SLC22A3: variants seen among roughly 807,000 people sequenced by gnomAD.
The protein encoded by SLC22A3 is solute carrier family 22 member 3, also known as EMT organic cation transporter 3.
Under a neutral mutation model 59.1 loss-of-function variants are expected in SLC22A3, and 51 were observed. That is an observed-to-expected ratio of 0.86 (90% CI 0.69 to 1.09). The LOEUF is 1.09. SLC22A3 is among the 50% of genes least tolerant of loss of function. SLC22A3 has a pLI of 0.00. For missense variants in SLC22A3, 711 were observed against 726.3 expected (o/e 0.98, Z 0.24); for synonymous variants, 325 against 292.0 (o/e 1.11, Z -1.15).
intron 2 of SLC22A3, among the ~76,000 whole-genome samples, chr6:160,398,495 A>AT (rs796614765): frequency 6.6e-5 from 10 of 151,788 alleles, no homozygotes; most frequent in East Asian, 3.9e-4. Context: ...GTTTCACCTA[A>AT]TTTTTTTTTA....
chr6:160,396,135 A>C (rs767692564), intron 1 of SLC22A3, among the ~76,000 whole-genome samples: 5 of 152,208 alleles, frequency 3.3e-5, no homozygotes, highest in Non-Finnish European at 7.3e-5. Context: ...GTTCCTACCC[A>C]AAATTGTACT....
At position 160,348,809 on chromosome 6, in the gene SLC22A3, C is replaced by T. The variant is rs766187090; in HGVS notation, c.390C>T (p.Gly130=). 6.3e-7 allele frequency: 1 copy of T among 1,580,430 alleles called. No individual in the cohort carries two copies. The highest frequency in any genetic ancestry group is 8.5e-7 in the Non-Finnish European group (1 of 1,171,666). ...CTCCCCTTGTGCCGTGCCGCGGCGG[C>T]TGGCGCTACGCCCAGGCCCACTCCA... The part of the protein sequence containing the change: ...RSAPLVPCRG[G]WRYAQAHSTI... The change falls in exon 1 of 11, where the codon GGC becomes GGT. Residue 130 remains glycine (G), a synonymous_variant. Transcript: ENST00000275300.
intron 5 of SLC22A3, among the ~76,000 whole-genome samples, chr6:160,433,686 G>A (rs1583509504): frequency 6.6e-6 from 1 of 152,066 alleles, no homozygotes; most frequent in South Asian, 2.1e-4. Flanking sequence ...TAGCCTAGGT[G>A]ACAGAGAGAG....
intron 1 of SLC22A3, 131 bp downstream of exon 1, chr6:160,348,979 G>T: frequency 6.6e-7 from 1 of 1,513,366 alleles, no homozygotes. Flanking sequence ...CTACCTCTGG[G>T]GACAGACAGG....
chr6:160,391,154 T>A (rs1786238980), intron 1 of SLC22A3, among the ~76,000 whole-genome samples: 3 of 152,218 alleles, frequency 2.0e-5, no homozygotes, highest in African/African-American at 7.2e-5. Flanking sequence ...AAGGTCAACT[T>A]CTGAGGTTTC....
intron 5 of SLC22A3, among the ~76,000 whole-genome samples, chr6:160,435,658 A>T (rs1415808001): frequency 1.3e-5 from 2 of 152,116 alleles, no homozygotes; most frequent in East Asian, 3.9e-4. Context: ...TGGTAGAGAG[A>T]CTTTAGCTCA....
chr6:160,439,071 A>T (rs1788452074), intron 7 of SLC22A3, among the ~76,000 whole-genome samples: 1 of 152,100 alleles, frequency 6.6e-6, no homozygotes, highest in Non-Finnish European at 1.5e-5. Flanking sequence ...TTAACATATT[A>T]TAAGAGTTGG....
intron 2 of SLC22A3, among the ~76,000 whole-genome samples, chr6:160,398,375 T>G (rs1786611801): frequency 6.6e-6 from 1 of 152,234 alleles, no homozygotes. Flanking sequence ...ACTGGGTTGA[T>G]GCACTGTTAT....
chr6:160,379,624 ATTG>A (rs1300732162), intron 1 of SLC22A3, among the ~76,000 whole-genome samples: 1 of 152,118 alleles, frequency 6.6e-6, no homozygotes, highest in Non-Finnish European at 1.5e-5. Flanking sequence ...TTTTTGGCTA[ATTG>A]TTGTGTAATT....
At chr6:160,436,242 C>A (rs1788330354) in intron 5 of SLC22A3, among the ~76,000 whole-genome samples, 1 of 152,094 alleles carries the variant, frequency 6.6e-6, no homozygotes, top group South Asian at 2.1e-4. Flanking sequence ...TGGCCAATAG[C>A]AGTATTTGTT....
intron 1 of SLC22A3, among the ~76,000 whole-genome samples, chr6:160,381,813 A>G (rs549260194): frequency 1.3e-5 from 2 of 152,294 alleles, no homozygotes; most frequent in East Asian, 3.9e-4. Context: ...GACTACTATA[A>G]CTGTCCTACC....
intron 5 of SLC22A3, among the ~76,000 whole-genome samples, chr6:160,431,126 G>A (rs1788135770): frequency 6.6e-6 from 1 of 152,226 alleles, no homozygotes. Context: ...TAAATGGTAT[G>A]TGAGGTAATA....
At chr6:160,399,305 A>G (rs1171271987) in intron 2 of SLC22A3, among the ~76,000 whole-genome samples, 3 of 150,788 alleles carry the variant, frequency 2.0e-5, no homozygotes, top group East Asian at 2.0e-4. Flanking sequence ...CCCACATGCC[A>G]CTCTTTTTTT....
chr6:160,362,179 C>T (rs1785034198), intron 1 of SLC22A3, among the ~76,000 whole-genome samples: 1 of 152,206 alleles, frequency 6.6e-6, no homozygotes, highest in Non-Finnish European at 1.5e-5. Context: ...CAGAACACGT[C>T]ACATGGAAGA....
At chr6:160,382,967 G>T (rs1387063670) in intron 1 of SLC22A3, among the ~76,000 whole-genome samples, 1 of 152,100 alleles carries the variant, frequency 6.6e-6, no homozygotes. Flanking sequence ...AAGTGAAATT[G>T]ACAATAGATT....
At chr6:160,362,777 G>A (rs558695439) in intron 1 of SLC22A3, among the ~76,000 whole-genome samples, 1 of 152,356 alleles carries the variant, frequency 6.6e-6, no homozygotes, top group East Asian at 1.9e-4. Context: ...AGGGGACCCA[G>A]GCGGCACCAG....
intron 1 of SLC22A3, among the ~76,000 whole-genome samples, chr6:160,397,348 C>T (rs1329958504): frequency 1.3e-5 from 2 of 151,930 alleles, no homozygotes; most frequent in African/African-American, 4.8e-5. Context: ...TACTGCTCAC[C>T]TCCTTCTGTG....
intron 1 of SLC22A3, among the ~76,000 whole-genome samples, chr6:160,351,250 G>A (rs1260123597): frequency 6.6e-6 from 1 of 152,078 alleles, no homozygotes; most frequent in Non-Finnish European, 1.5e-5. Context: ...CGAATAGCTG[G>A]GACTACAGGC....
chr6:160,364,233 T>C (rs1785124553), intron 1 of SLC22A3, among the ~76,000 whole-genome samples: 1 of 152,220 alleles, frequency 6.6e-6, no homozygotes, highest in Non-Finnish European at 1.5e-5. Context: ...ATTTCAACCA[T>C]ATTTGTACAC....
Sources: allele counts gnomAD v4.1 joint callset (sites outside exome capture counted in the v4.1 genomes callset), GRCh38; gene constraint gnomAD v4.1.1; transcripts MANE v1.5; gene names NCBI Gene and HGNC (gene_info 2026-07-23, HGNC 2026-07-21).